ZNF423: variants seen among roughly 807,000 people sequenced by gnomAD.
ZNF423 encodes the protein Ebf-associated zinc finger protein.
A neutral mutation model predicts 95.8 loss-of-function variants in ZNF423; 12 were observed. The observed-to-expected ratio is 0.13, with a 90% CI of 0.08 to 0.20. The LOEUF is 0.20. Among genes scored for constraint, ZNF423 ranks in the 10% least tolerant of loss-of-function variants. ZNF423 has a pLI of 1.00. For synonymous variants in ZNF423, 749 were observed against 711.9 expected, an observed-to-expected ratio of 1.05 and a Z score of -0.83; for missense variants, 1,316 against 1,737.1, an observed-to-expected ratio of 0.76 and a Z score of 4.31.
intron 3 of ZNF423, among the ~76,000 whole-genome samples, chr16:49,705,453 G>A (rs1167771126): frequency 2.6e-5 from 4 of 152,218 alleles, no homozygotes; most frequent in Non-Finnish European, 5.9e-5. Context: ...ATGGATGAAT[G>A]CCAAAATGAC....
intron 3 of ZNF423, among the ~76,000 whole-genome samples, chr16:49,719,097 T>C (rs1053284862): frequency 3.9e-5 from 6 of 152,178 alleles, no homozygotes; most frequent in African/African-American, 1.4e-4. Context: ...AACACAATTT[T>C]CAGATCTTTA....
At chr16:49,660,841 TGG>T (rs373506257) in intron 3 of ZNF423, among the ~76,000 whole-genome samples, 1 of 138,192 alleles carries the variant, frequency 7.2e-6, no homozygotes, top group African/African-American at 2.7e-5. Flanking sequence ...TGTGGGGGGA[TGG>T]GGGGGGAGCT....
intron 5 of ZNF423, among the ~76,000 whole-genome samples, chr16:49,621,810 A>G (rs1351468710): frequency 6.6e-6 from 1 of 152,152 alleles, no homozygotes; most frequent in African/African-American, 2.4e-5. Flanking sequence ...CCATTTCCCC[A>G]GCAGCCTTCC....
chr16:49,625,294 A>G (rs1195397651), intron 5 of ZNF423, among the ~76,000 whole-genome samples: 1 of 152,226 alleles, frequency 6.6e-6, no homozygotes, highest in Non-Finnish European at 1.5e-5. Context: ...CAGAGGTTGC[A>G]GTGAGCAAAG....
chr16:49,853,966 T>C (rs2035329042), intron 1 of ZNF423: 12 of 985,466 alleles, frequency 1.2e-5, no homozygotes, highest in Non-Finnish European at 1.3e-5. Context: ...CCACATTTTC[T>C]TCTGGGTCGC....
At chr16:49,621,039 C>T (rs1023733147) in intron 5 of ZNF423, among the ~76,000 whole-genome samples, 17 of 152,192 alleles carry the variant, frequency 1.1e-4, no homozygotes, top group African/African-American at 2.9e-4. Flanking sequence ...GCAGCCCCCC[C>T]GGGGAGCCCA....
chr16:49,613,592 G>A (rs940677118), intron 5 of ZNF423, among the ~76,000 whole-genome samples: 2 of 152,168 alleles, frequency 1.3e-5, no homozygotes, highest in African/African-American at 4.8e-5. Flanking sequence ...TTGTTAGGGG[G>A]GAAGTTGGTG....
At chr16:49,691,303 C>A (rs1374835193) in intron 3 of ZNF423, among the ~76,000 whole-genome samples, 1 of 152,238 alleles carries the variant, frequency 6.6e-6, no homozygotes, top group Non-Finnish European at 1.5e-5. Flanking sequence ...TGGGATGGTA[C>A]AACTTGGTGA....
intron 3 of ZNF423, among the ~76,000 whole-genome samples, chr16:49,724,229 C>T (rs999451572): frequency 6.6e-6 from 1 of 152,216 alleles, no homozygotes; most frequent in African/African-American, 2.4e-5. Context: ...ATGTTTCTTA[C>T]TGGGTTTGCT....
At chr16:49,676,572 C>T (rs1027967626) in intron 3 of ZNF423, among the ~76,000 whole-genome samples, 1 of 152,188 alleles carries the variant, frequency 6.6e-6, no homozygotes, top group African/African-American at 2.4e-5. Context: ...GCTCCAGGTC[C>T]ACCGAGACCA....
At chr16:49,666,814 T>C (rs1396214645) in intron 3 of ZNF423, among the ~76,000 whole-genome samples, 1 of 152,150 alleles carries the variant, frequency 6.6e-6, no homozygotes, top group Non-Finnish European at 1.5e-5. Context: ...ACTTGCCACC[T>C]GGGCTAAATC....
chr16:49,504,261 G>A (rs988107371), intron 7 of ZNF423, among the ~76,000 whole-genome samples: 11 of 152,174 alleles, frequency 7.2e-5, no homozygotes, highest in African/African-American at 2.7e-4. Flanking sequence ...TTTATGCTAC[G>A]TGAATTTTTA....
chr16:49,636,507 G>A lies in ZNF423; in HGVS notation c.2669C>T (p.Ser890Leu), dbSNP rs777639594. 8.1e-5 allele frequency: 131 copies of A among 1,613,650 alleles called. No individual in the cohort carries two copies. Among genetic ancestry groups the A allele is most frequent in the Admixed American group, 1.8e-4 (11 of 60,002 alleles). The change falls in exon 4 of 8, where the codon TCG becomes TTG. Residue 890 changes from serine (S) to leucine (L), a missense_variant. Physicochemically the swap from Ser to Leu is moderately radical, Grantham distance 145 (BLOSUM62 -2). Coordinates refer to ENST00000563137, the MANE Select transcript of ZNF423 (RefSeq NM_001379286.1). The surrounding 1 kb of genome is among the most constrained non-coding windows in gnomAD (Gnocchi z 8.6). ...HEASEDDVDA[S>L]EPMYGCDICG... is the part of the protein sequence containing the mutation. ...GATGTCACAGCCGTACATGGGCTCC[G>A]ACGCGTCCACGTCATCCTCGCTGGC...
intron 3 of ZNF423, chr16:49,664,219 C>A (rs1348637714): frequency 5.1e-6 from 5 of 985,422 alleles, no homozygotes; most frequent in Non-Finnish European, 6.0e-6. Flanking sequence ...CCCACCGGCC[C>A]ACTGGTGATC....
At chr16:49,491,361 T>C (rs1596988449) in intron 7 of ZNF423, 57 bp from the exon 8 acceptor site, 24 of 1,602,954 alleles carry the variant, frequency 1.5e-5, no homozygotes, top group Non-Finnish European at 2.0e-5. Context: ...AGCATGCTCG[T>C]CCCTCCCACT....
chr16:49,660,824 G>A (rs1025261943), intron 3 of ZNF423, among the ~76,000 whole-genome samples: 1 of 151,942 alleles, frequency 6.6e-6, no homozygotes, highest in African/African-American at 2.4e-5. Context: ...ACAGAGCTGG[G>A]GCAGGGTGTG....
chr16:49,835,777 T>C (rs1007902278), intron 1 of ZNF423, among the ~76,000 whole-genome samples: 1 of 151,602 alleles, frequency 6.6e-6, no homozygotes, highest in Non-Finnish European at 1.5e-5. Flanking sequence ...TGCCTGGGAG[T>C]AAGGTTTCAG....
chr16:49,676,943 C>T (rs557449436), intron 3 of ZNF423, among the ~76,000 whole-genome samples: 1 of 152,104 alleles, frequency 6.6e-6, no homozygotes, highest in East Asian at 1.9e-4. Flanking sequence ...TTAGGCCAGG[C>T]CTGGTGGCTC....
chr16:49,844,767 G>A (rs949169035), intron 1 of ZNF423, among the ~76,000 whole-genome samples: 2 of 152,138 alleles, frequency 1.3e-5, no homozygotes, highest in Admixed American at 6.5e-5. Flanking sequence ...GCGAGGCCCT[G>A]TGGCTCACGC....
Sources: gnomAD v4.1 joint callset for allele counts (sites outside exome capture counted in the v4.1 genomes callset) on GRCh38, gnomAD v4.1.1 for gene constraint, Gnocchi (gnomAD v3.1) non-coding constraint, MANE v1.5 for transcripts, NCBI Gene and HGNC (gene_info 2026-07-23, HGNC 2026-07-21) for gene names.